Variants in CCDC27 observed in about 807,000 individuals in gnomAD.
The protein encoded by CCDC27 is coiled-coil domain containing 27.
A neutral mutation model predicts 80.3 loss-of-function variants in CCDC27; 80 were observed. The ratio of observed to expected loss-of-function variants is 1.00; its 90% CI spans 0.83 to 1.20. The LOEUF is 1.20. Ranked by LOEUF, CCDC27 falls within the 50% of genes most tolerant of loss-of-function variation. CCDC27 has a pLI of 0.00. For synonymous variants in CCDC27, 342 were observed against 334.3 expected, an observed-to-expected ratio of 1.02 and a Z score of -0.25; for missense variants, 815 against 809.4, an observed-to-expected ratio of 1.01 and a Z score of -0.08.
intron 3 of CCDC27, chr1:3,756,431 C>T: frequency 3.6e-6 from 1 of 275,574 alleles, no homozygotes; most frequent in East Asian, 8.9e-5. Flanking sequence ...AGGATGACCC[C>T]CTCGTCCCGA....
chr1:3,767,349 G>T lies in CCDC27; in HGVS notation c.1647G>T (p.Arg549Ser), dbSNP rs1208114659. 6.2e-7 allele frequency: 1 copy of T among 1,613,916 alleles called. No individual in the cohort carries two copies. Among genetic ancestry groups the T allele is most frequent in the Non-Finnish European group, 8.5e-7 (1 of 1,180,034 alleles). ...AACTGGACCAGAACCACCTGCAGAG[G>T]TGGAAGCAGCTGCAGGAGGATTTGC... Reference protein sequence around the residue: ...QVELDQNHLQRWKQLQEDLQS... With the variant: ...QVELDQNHLQSWKQLQEDLQS... Residue 549 changes from arginine to serine, a missense_variant, in exon 10 of 12, where the codon AGG (arginine) becomes AGT (serine). Arg to Ser is a moderately radical substitution (Grantham distance 110). Coordinates refer to ENST00000294600, the MANE Select transcript of CCDC27 (RefSeq NM_152492.3).
rs186034541 is a variant in CCDC27 at position 3,760,150 on chromosome 1, G to C, written c.712-1131G>C. On this transcript the variant is annotated intron_variant, in intron 4 of 11. Coordinates refer to ENST00000294600, the MANE Select transcript of CCDC27 (RefSeq NM_152492.3). This position sits in a 1 kb window ranked among gnomAD's most constrained non-coding sequence, Gnocchi z 4.3. ...AGCAGTCCTTGCACTATTTTGAGAC[G>C]TGCAAGTGTCTCGGGACCATGGCTT... Among the ~76,000 whole-genome samples, 51 of 152,302 alleles carry C rather than the reference G, an allele frequency of 3.3e-4. No homozygotes were observed. In the East Asian group the frequency reaches 6.9e-3, roughly 21 times the overall value.
Position 3,763,245 on chromosome 1 carries a change from C to T in CCDC27, c.1092C>T (p.Ser364=), listed in dbSNP as rs565477124. The change falls in exon 7 of 12, where the codon TCC becomes TCT. Residue 364 remains serine (S), a synonymous_variant. Transcript: ENST00000294600. The surrounding 1 kb of genome is among the most constrained non-coding windows in gnomAD (Gnocchi z 7.5). ...GGGGAGGTGTGAGCCAGATGGGATC[C>T]GTGCATGAGGAGGGAAGCGAGGAGG... ...GAWGGVSQMG[S]VHEEGSEEEE... is the part of the protein sequence containing the mutation. The T allele has an allele frequency of 9.4e-5, 147 of 1,562,610 alleles. No individual in the cohort carries two copies. Among genetic ancestry groups the T allele is most frequent in the East Asian group, 4.5e-4 (19 of 42,666 alleles).
Position 3,768,235 on chromosome 1 carries a change from C to T in CCDC27, c.1743+790C>T, listed in dbSNP as rs1033417431. Among the ~76,000 whole-genome samples, 1 of 151,904 alleles carries T rather than the reference C, an allele frequency of 6.6e-6. No individual in the cohort carries two copies. The highest frequency in any genetic ancestry group is 1.5e-5 in the Non-Finnish European group (1 of 67,988). ...ACCTCAGCCTCCTGAGTAGCTGGGA[C>T]CACAGGCATGTGCCACCATACCTGG... On this transcript the variant is annotated intron_variant, in intron 10 of 11. Transcript: ENST00000294600. This position sits in a 1 kb window ranked among gnomAD's most constrained non-coding sequence, Gnocchi z 5.6.
In CCDC27 at chr1:3,754,051, G is replaced by T. The variant is rs1642890566; in HGVS notation, c.319-67G>T. The T allele has an allele frequency of 5.7e-6, 9 of 1,583,626 alleles. No homozygotes were observed. The South Asian group carries it at 1.0e-4, about 18-fold the overall frequency. ...GTGATGGTTTAGGGAAACAGGGTCT[G>T]CCCTTGGATGGGCTGGCCTACAGTC... On this transcript the variant is annotated intron_variant, in intron 1 of 11. Transcript: ENST00000294600.
rs1188824938 is a variant in CCDC27 at position 3,754,200 on chromosome 1, G to A, written c.401G>A (p.Cys134Tyr). ...AGGGTCTTCCCCACGCATCCTGACT[G>A]CCCCCAGTTCAGCACCAGGGCCACA... ...LRRVFPTHPD[C>Y]PQFSTRATSM... The change falls in exon 2 of 12, where the codon TGC (cysteine) becomes TAC (tyrosine). Residue 134 changes from cysteine to tyrosine, a missense_variant. Transcript: ENST00000294600. The A allele has an allele frequency of 3.1e-6, 5 of 1,613,452 alleles. No homozygotes were observed. In the East Asian group the frequency reaches 8.9e-5, roughly 29 times the overall value.
Position 3,763,208 on chromosome 1 carries a change from A to G in CCDC27, c.1055A>G (p.Asp352Gly). The G allele has an allele frequency of 6.5e-7, 1 of 1,535,054 alleles. No homozygotes were observed. The highest frequency in any genetic ancestry group is 2.4e-5 in the East Asian group (1 of 41,752). Residue 352 changes from aspartate (D) to glycine (G), a missense_variant, in exon 7 of 12, where the codon GAC becomes GGC. Asp to Gly is a moderately conservative substitution (Grantham distance 94, BLOSUM62 -1). Transcript: ENST00000294600. The surrounding 1 kb of genome is among the most constrained non-coding windows in gnomAD (Gnocchi z 7.5). ...GAAGGGGAGCCCGATGGGGTGGAGG[A>G]CACGGGTGCCTGGGGAGGTGTGAGC... ...GLEGEPDGVE[D>G]TGAWGGVSQM...
At chr1:3,767,718 T>C (rs1221398533) in intron 10 of CCDC27, among the ~76,000 whole-genome samples, 2 of 152,190 alleles carry the variant, frequency 1.3e-5, no homozygotes, top group Non-Finnish European at 2.9e-5. Flanking sequence ...TGGGTTGCAT[T>C]GTGAAGGGGT....
rs200221788 is a variant in CCDC27 at position 3,763,846 on chromosome 1, C to T, written c.1452+10C>T. On this transcript the variant is annotated intron_variant, in intron 8 of 11. Coordinates refer to ENST00000294600, the MANE Select transcript of CCDC27 (RefSeq NM_152492.3). This position sits in a 1 kb window ranked among gnomAD's most constrained non-coding sequence, Gnocchi z 7.5. The stretch of plus-strand genomic sequence containing the variant: ...AGCCATGACCGACAAGGTGGCCGTG[C>T]GCTCAGTACCGGCCTCCGCTCCATG... 596 of 1,613,570 alleles carry T rather than the reference C, an allele frequency of 3.7e-4. No homozygotes were observed. Among genetic ancestry groups the T allele is most frequent in the African/African-American group, 7.7e-4 (58 of 75,034 alleles).
chr1:3,771,095 C>T (rs1015790571), intron 11 of CCDC27, among the ~76,000 whole-genome samples: 1 of 152,214 alleles, frequency 6.6e-6, no homozygotes, highest in Non-Finnish European at 1.5e-5. Context: ...CTTCTGCGGG[C>T]TGGTGGTGTG....
At position 3,761,093 on chromosome 1, in the gene CCDC27, G is replaced by A. The variant is rs774288767; in HGVS notation, c.712-188G>A. Among the ~76,000 whole-genome samples the A allele has an allele frequency of 6.6e-6, 1 of 152,222 alleles. No homozygotes were observed. Among genetic ancestry groups the A allele is most frequent in the African/African-American group, 2.4e-5 (1 of 41,454 alleles). The stretch of plus-strand genomic sequence containing the variant: ...CAGGCATGGCTGCAGTAAAGAGCTG[G>A]CACATCTTGATCTCCAGATGTGTAG... On this transcript the variant is annotated intron_variant, in intron 4 of 11. Coordinates refer to ENST00000294600, the MANE Select transcript of CCDC27 (RefSeq NM_152492.3). The surrounding 1 kb of genome is among the most constrained non-coding windows in gnomAD (Gnocchi z 5.0).
chr1:3,755,938 C>T (rs549481831), intron 3 of CCDC27: 11 of 221,920 alleles, frequency 5.0e-5, no homozygotes, highest in African/African-American at 1.5e-4. Flanking sequence ...AAATTCCCAG[C>T]ACCATGTCTC....
chr1:3,765,899 C>T (rs1442013004), intron 8 of CCDC27, among the ~76,000 whole-genome samples: 1 of 149,610 alleles, frequency 6.7e-6, no homozygotes, highest in Admixed American at 6.7e-5. Context: ...GATGGGTTCT[C>T]ACTCTGTCAC....
intron 8 of CCDC27, among the ~76,000 whole-genome samples, chr1:3,765,915 C>CAG (rs1643216773): frequency 6.6e-6 from 1 of 150,688 alleles, no homozygotes; most frequent in Non-Finnish European, 1.5e-5. Flanking sequence ...GTCACCCAGG[C>CAG]TGGAGTTCAG....
In CCDC27 at chr1:3,762,768, C is replaced by T. The variant is rs1643119076; in HGVS notation, c.954+56C>T. 10 of 1,461,160 alleles carry T rather than the reference C, an allele frequency of 6.8e-6. No homozygotes were observed. The Admixed American group carries it at 2.1e-4, about 31-fold the overall frequency. 90.5% of individuals were successfully genotyped at this position (1,461,160 alleles called of 1,614,324 possible). On this transcript the variant is annotated intron_variant, in intron 6 of 11. Transcript: ENST00000294600. ...TGGGGGACCCGGGCCCAGGAGCCAC[C>T]TAGGCTGCTTAACTAAGAGGCCCAG...
chr1:3,765,386 T>C (rs1643204311), intron 8 of CCDC27, among the ~76,000 whole-genome samples: 1 of 152,224 alleles, frequency 6.6e-6, no homozygotes, highest in South Asian at 2.1e-4. Context: ...TCATGTCCTT[T>C]AGTTCTGGAA....
chr1:3,762,713 G>A lies in CCDC27; in HGVS notation c.954+1G>A, dbSNP rs1193517161. 8 of 1,548,680 alleles carry A rather than the reference G, an allele frequency of 5.2e-6. No homozygotes were observed. In the Admixed American group the frequency reaches 1.2e-4, roughly 23 times the overall value. On this transcript the variant is annotated splice_donor_variant, in intron 6 of 11. Coordinates refer to ENST00000294600, the MANE Select transcript of CCDC27 (RefSeq NM_152492.3). LOFTEE classifies it high-confidence loss of function. ...GGAGGAGCTGCAGCACTGGTGGCAG[G>A]TGCGGGCCGCCTGGAGAGCAGGCAC...
At position 3,763,781 on chromosome 1, in the gene CCDC27, C is replaced by T. The variant is rs144028564; in HGVS notation, c.1397C>T (p.Thr466Met). ...CGAAAGATCAATACGGAAAATGAGA[C>T]GCTGCAGAAGGAGCTCCGAGAGCGG... ...QLRKINTENE[T>M]LQKELRERRQ... is the part of the protein sequence containing the mutation. The change falls in exon 8 of 12, where the codon ACG becomes ATG. Residue 466 changes from threonine (T) to methionine (M), a missense_variant. Transcript: ENST00000294600. This position sits in a 1 kb window ranked among gnomAD's most constrained non-coding sequence, Gnocchi z 7.5. 10,826 of 1,614,136 alleles carry T rather than the reference C, an allele frequency of 6.7e-3. 64 individuals carry two copies. The highest frequency in any genetic ancestry group is 8.4e-3 in the Admixed American group (502 of 60,032).
intron 2 of CCDC27, among the ~76,000 whole-genome samples, chr1:3,755,187 C>T (rs990788018): frequency 1.1e-4 from 16 of 152,156 alleles, no homozygotes; most frequent in Admixed American, 1.0e-3. Context: ...ACATTTTTAC[C>T]GAAGGAAAGT....
Sources: allele counts gnomAD v4.1 joint callset (sites outside exome capture counted in the v4.1 genomes callset), GRCh38; gene constraint gnomAD v4.1.1; non-coding constraint Gnocchi (gnomAD v3.1); transcripts MANE v1.5; gene names NCBI Gene and HGNC (gene_info 2026-07-23, HGNC 2026-07-21).